Variants in MBTPS2 observed in about 807,000 individuals in gnomAD.
MBTPS2 encodes the protein membrane bound transcription factor peptidase, site 2.
A neutral mutation model predicts 35.4 loss-of-function variants in MBTPS2; 2 were observed. The ratio of observed to expected loss-of-function variants is 0.06; its 90% CI spans 0.02 to 0.18. The LOEUF is 0.18. Among genes scored for constraint, MBTPS2 ranks in the 10% least tolerant of loss-of-function variants. MBTPS2 has a pLI of 1.00. For missense variants in MBTPS2, 244 were observed against 386.5 expected, an observed-to-expected ratio of 0.63 and a Z score of 3.09; for synonymous variants, 125 against 140.4, an observed-to-expected ratio of 0.89 and a Z score of 0.77.
chrX:21,851,874 A>T (rs1270528754), intron 4 of MBTPS2, among the ~76,000 whole-genome samples: 1 of 111,529 alleles, frequency 9.0e-6, no homozygotes, highest in African/African-American at 3.3e-5. Flanking sequence ...CAGTGTGGTT[A>T]TCCTCATGAT....
At chrX:21,862,946 ATAT>A (rs2092934418) in intron 5 of MBTPS2, among the ~76,000 whole-genome samples, 1 of 50,444 alleles carries the variant, frequency 2.0e-5, no homozygotes, top group African/African-American at 8.4e-5. Flanking sequence ...ATATATATAT[ATAT>A]ATATATATAT....
intron 7 of MBTPS2, among the ~76,000 whole-genome samples, chrX:21,876,347 T>G (rs2092953050): frequency 9.0e-6 from 1 of 111,316 alleles, no homozygotes; most frequent in South Asian, 3.7e-4. Context: ...GTGGATCACT[T>G]GAGGCCAGGA....
intron 5 of MBTPS2, chrX:21,857,153 G>A (rs776241984): frequency 1.7e-6 from 2 of 1,211,695 alleles, no homozygotes; most frequent in Admixed American, 4.3e-5. Flanking sequence ...CTCCTGGGGG[G>A]TTACCAGGCA....
Position 21,882,513 on chromosome X carries a change from A to T in MBTPS2, c.1418A>T (p.Asn473Ile). Residue 473 changes from asparagine (N) to isoleucine (I), a missense_variant, in exon 11 of 11, where the codon AAC becomes ATC. Transcript: ENST00000379484. ...GCTTTGGATGGACAATGGATTCTAA[A>T]CTCTTTCTTGGATGCCACCCTTACC... is the stretch of plus-strand genomic sequence containing the variant. ...CFALDGQWIL[N>I]SFLDATLTSV... 2.0e-5 allele frequency: 24 copies of T among 1,209,167 alleles called. No homozygotes were observed. The highest frequency in any genetic ancestry group is 2.7e-5 in the Non-Finnish European group (24 of 894,715).
In MBTPS2 at chrX:21,869,517, C is replaced by T. The variant is rs2092944530; in HGVS notation, c.809C>T (p.Pro270Leu). The T allele has an allele frequency of 8.3e-7, 1 of 1,208,463 alleles. No homozygotes were observed. Among genetic ancestry groups the T allele is most frequent in the South Asian group, 1.8e-5 (1 of 56,764 alleles). Residue 270 changes from proline (P) to leucine (L), a missense_variant, in exon 7 of 11, where the codon CCC becomes CTC. Pro to Leu is a moderately conservative substitution (Grantham distance 98, BLOSUM62 -3). Coordinates refer to ENST00000379484, the MANE Select transcript of MBTPS2 (RefSeq NM_015884.4). ...EVAEDSPAIGPRGLFVGDLVT... is the reference protein window; with the variant it reads ...EVAEDSPAIGLRGLFVGDLVT... Reference sequence around the variant, plus strand: ...CCCAAGGACTCTCCTGCCATTGGACCCAGAGGCCTTTTTGTGGGAGACCTT... The same window carrying T: ...CCCAAGGACTCTCCTGCCATTGGACTCAGAGGCCTTTTTGTGGGAGACCTT...
At chrX:21,880,354 TAGAC>T (rs2092958044) in intron 9 of MBTPS2, among the ~76,000 whole-genome samples, 2 of 111,638 alleles carry the variant, frequency 1.8e-5, no homozygotes, top group African/African-American at 6.5e-5. Context: ...TAAATTACTG[TAGAC>T]TGTAACTATG....
At chrX:21,871,549 C>T (rs2092947368) in intron 7 of MBTPS2, 2 of 111,563 alleles carry the variant, frequency 1.8e-5, no homozygotes, top group Non-Finnish European at 3.8e-5. Context: ...ACTCATTAAA[C>T]ACGACCACAA....
chrX:21,862,679 G>C (rs965870145), intron 5 of MBTPS2, among the ~76,000 whole-genome samples: 5 of 104,593 alleles, frequency 4.8e-5, no homozygotes, highest in South Asian at 4.4e-4. Context: ...GGCGTGGTGG[G>C]GGGCGCCTGT....
intron 7 of MBTPS2, chrX:21,872,603 G>T (rs888605955): frequency 9.6e-6 from 1 of 104,238 alleles, no homozygotes; most frequent in African/African-American, 3.5e-5. Flanking sequence ...TACTATATCT[G>T]ATAAATCTGT....
At chrX:21,879,949 C>CTTCT (rs2092957272) in intron 9 of MBTPS2, among the ~76,000 whole-genome samples, 10 of 47,410 alleles carry the variant, frequency 2.1e-4, no homozygotes, top group East Asian at 7.2e-4. Flanking sequence ...TTATGTTATT[C>CTTCT]TTTTTTTTTT....
chrX:21,857,747 G>A (rs2092925367), intron 5 of MBTPS2: 1 of 683,383 alleles, frequency 1.5e-6, no homozygotes, highest in Non-Finnish European at 2.1e-6. Flanking sequence ...TGTTTTGTTA[G>A]AGTAGTAAAA....
intron 7 of MBTPS2, among the ~76,000 whole-genome samples, chrX:21,877,397 G>A (rs1474233471): frequency 8.9e-6 from 1 of 111,929 alleles, no homozygotes; most frequent in African/African-American, 3.2e-5. Flanking sequence ...AGCAGAGATC[G>A]TGCCACTGTA....
intron 5 of MBTPS2, chrX:21,856,177 G>T: frequency 6.7e-6 from 2 of 297,385 alleles, no homozygotes; most frequent in Non-Finnish European, 1.2e-5. Flanking sequence ...ACGCGGGCAC[G>T]TGCACGTGCT....
chrX:21,859,283 A>G (rs1245192523), intron 5 of MBTPS2, among the ~76,000 whole-genome samples: 8 of 104,754 alleles, frequency 7.6e-5, no homozygotes, highest in African/African-American at 2.8e-4. Flanking sequence ...GGAAAGATTT[A>G]CTTTAAAAGA....
At chrX:21,849,071 A>G (rs1267762841) in intron 3 of MBTPS2, among the ~76,000 whole-genome samples, 1 of 111,747 alleles carries the variant, frequency 8.9e-6, no homozygotes, top group East Asian at 2.8e-4. Flanking sequence ...AAAATTAAGA[A>G]GGTACGGAGA....
At chrX:21,877,679 G>A (rs1012699761) in intron 7 of MBTPS2, among the ~76,000 whole-genome samples, 2 of 111,744 alleles carry the variant, frequency 1.8e-5, no homozygotes, top group Non-Finnish European at 3.8e-5. Flanking sequence ...GGGTTCAGCA[G>A]TAATGTTGGA....
intron 5 of MBTPS2, among the ~76,000 whole-genome samples, chrX:21,854,560 C>T (rs1307217420): frequency 1.8e-5 from 2 of 111,667 alleles, no homozygotes; most frequent in East Asian, 5.6e-4. Context: ...TTATATTAGA[C>T]ATTGGGGGCC....
intron 10 of MBTPS2, among the ~76,000 whole-genome samples, chrX:21,881,191 A>G: frequency 8.9e-6 from 1 of 112,439 alleles, no homozygotes; most frequent in Non-Finnish European, 1.9e-5. Flanking sequence ...TAGATGTAGA[A>G]GGGAAAGAAC....
chrX:21,876,295 G>T (rs2092952986), intron 7 of MBTPS2, among the ~76,000 whole-genome samples: 1 of 111,903 alleles, frequency 8.9e-6, no homozygotes, highest in Non-Finnish European at 1.9e-5. Context: ...CCAGCTCAGT[G>T]GCTCATGCCT....
Sources: allele counts gnomAD v4.1 joint callset (sites outside exome capture counted in the v4.1 genomes callset), GRCh38; gene constraint gnomAD v4.1.1; transcripts MANE v1.5; gene names NCBI Gene and HGNC (gene_info 2026-07-23, HGNC 2026-07-21).